Variants in ARHGAP6 observed in about 807,000 individuals in gnomAD.
The protein encoded by ARHGAP6 is rho GTPase-activating protein 6.
In ARHGAP6, 16 loss-of-function variants were observed where a neutral mutation model predicts 55.7. The observed-to-expected ratio is 0.29, with a 90% CI of 0.19 to 0.44. The LOEUF (loss-of-function observed/expected upper bound fraction) is 0.44, where lower values mean the gene tolerates loss of function less well. ARHGAP6 is among the 20% of genes least tolerant of loss of function. ARHGAP6 has a pLI of 1.00. For synonymous variants in ARHGAP6, 382 were observed against 360.9 expected (o/e 1.06, Z -0.66); for missense variants, 698 against 808.9 (o/e 0.86, Z 1.66).
At position 11,154,512 on chromosome X, in the gene ARHGAP6, T is replaced by C. The variant is rs921326378; in HGVS notation, c.1907+2017A>G. On this transcript the variant is annotated intron_variant, in intron 10 of 12. Transcript: ENST00000337414. ...CTTCTATCAACTGTTCTTTAAAGTA[T>C]AGTATTTATCTATCTCATAATGCCA... 6.2e-5 allele frequency among the ~76,000 whole-genome samples: 7 copies of C among 112,519 alleles called. 1 individual carries two copies.
intron 9 of ARHGAP6, among the ~76,000 whole-genome samples, chrX:11,160,970 G>A (rs1396075740): frequency 8.9e-6 from 1 of 112,541 alleles, no homozygotes; most frequent in Non-Finnish European, 1.9e-5. Flanking sequence ...AACTACAGTT[G>A]TATATAATTC....
At position 11,195,987 on chromosome X, in the gene ARHGAP6, A is replaced by G. The variant is rs113241218; in HGVS notation, c.820+938T>C. ...AAAAAAAAAAAAAAAAAAAAAAAAA[A>G]GCCGGTTGTGGTGGTGGGCGCCTGT... On this transcript the variant is annotated intron_variant, in intron 3 of 12. Coordinates refer to ENST00000337414, the MANE Select transcript of ARHGAP6 (RefSeq NM_013427.3). Among the ~76,000 whole-genome samples, 446 of 95,471 alleles carry G rather than the reference A, an allele frequency of 4.7e-3. 4 individuals carry two copies. Among genetic ancestry groups the G allele is most frequent in the Middle Eastern group, 0.021 (4 of 190 alleles). 82.9% of individuals were successfully genotyped at this position (95,471 alleles called of 115,157 possible).
At chrX:11,260,956 C>A (rs1326610946) in intron 1 of ARHGAP6, among the ~76,000 whole-genome samples, 1 of 110,839 alleles carries the variant, frequency 9.0e-6, no homozygotes, top group African/African-American at 3.3e-5. Flanking sequence ...TTCAGGAGGG[C>A]AAGACCCTTG....
At chrX:11,599,218 G>C (rs1454543555) in intron 1 of ARHGAP6, among the ~76,000 whole-genome samples, 3 of 111,803 alleles carry the variant, frequency 2.7e-5, no homozygotes, top group Non-Finnish European at 5.6e-5. Flanking sequence ...AGGAACATGG[G>C]AGTGCAGGTA....
At chrX:11,177,373 G>T (rs182865977) in intron 8 of ARHGAP6, among the ~76,000 whole-genome samples, 6 of 103,307 alleles carry the variant, frequency 5.8e-5, no homozygotes, top group Non-Finnish European at 9.9e-5. Context: ...TGGTGGGCGG[G>T]GGGGGGGCAC....
chrX:11,589,231 G>A (rs1331741650), intron 1 of ARHGAP6, among the ~76,000 whole-genome samples: 3 of 106,771 alleles, frequency 2.8e-5, no homozygotes, highest in Non-Finnish European at 3.9e-5. Context: ...TAGTGGAGAC[G>A]GGGTTTCACC....
At chrX:11,602,087 A>C (rs916390013) in intron 1 of ARHGAP6, among the ~76,000 whole-genome samples, 2 of 111,716 alleles carry the variant, frequency 1.8e-5, no homozygotes, top group Non-Finnish European at 3.8e-5. Context: ...TATTTATATC[A>C]TAACTGTGGA....
chrX:11,422,314 A>G (rs1279313925), intron 1 of ARHGAP6, among the ~76,000 whole-genome samples: 3 of 111,278 alleles, frequency 2.7e-5, no homozygotes, highest in Admixed American at 9.5e-5. Flanking sequence ...CAGCAAGTAC[A>G]AAGGCTTGGG....
At chrX:11,646,007 G>A (rs1380638914) in intron 1 of ARHGAP6, among the ~76,000 whole-genome samples, 1 of 94,004 alleles carries the variant, frequency 1.1e-5, no homozygotes, top group Non-Finnish European at 2.2e-5. Flanking sequence ...TCACATTGCT[G>A]TGAGGTTTGA....
At chrX:11,216,155 A>G (rs1296570229) in intron 2 of ARHGAP6, among the ~76,000 whole-genome samples, 2 of 107,472 alleles carry the variant, frequency 1.9e-5, no homozygotes, top group African/African-American at 6.8e-5. Flanking sequence ...GTCCACAAAT[A>G]GTACATTTCT....
chrX:11,325,004 G>A (rs1381433329), intron 1 of ARHGAP6, among the ~76,000 whole-genome samples: 3 of 110,704 alleles, frequency 2.7e-5, no homozygotes, highest in Admixed American at 9.6e-5. Context: ...GACTACAGGC[G>A]CCCGCCACCG....
chrX:11,468,179 T>C (rs1210986461), intron 1 of ARHGAP6, among the ~76,000 whole-genome samples: 1 of 111,365 alleles, frequency 9.0e-6, no homozygotes, highest in Non-Finnish European at 1.9e-5. Flanking sequence ...GCTAGTTATA[T>C]GACTGTTATT....
intron 1 of ARHGAP6, among the ~76,000 whole-genome samples, chrX:11,449,237 G>T (rs750932112): frequency 1.7e-3 from 187 of 111,470 alleles, no homozygotes; most frequent in Non-Finnish European, 3.1e-3. Context: ...TTATTCATTG[G>T]TCTCCCTGGC....
rs940636214 is a variant in ARHGAP6 at position 11,457,050 on chromosome X, C to A, written c.589-202343G>T. Among the ~76,000 whole-genome samples, 4 of 111,537 alleles carry A rather than the reference C, an allele frequency of 3.6e-5. No homozygotes were observed. In the Admixed American group the frequency reaches 3.8e-4, roughly 11 times the overall value. ...CTGCTATCAATAGAGCGAAGCATAG[C>A]ATTTGGTAGTCACAGCTGGAACCCT... is the stretch of plus-strand genomic sequence containing the variant. On this transcript the variant is annotated intron_variant, in intron 1 of 12. Coordinates refer to ENST00000337414, the MANE Select transcript of ARHGAP6 (RefSeq NM_013427.3).
At chrX:11,306,885 T>C (rs1346917917) in intron 1 of ARHGAP6, among the ~76,000 whole-genome samples, 1 of 111,772 alleles carries the variant, frequency 8.9e-6, no homozygotes, top group African/African-American at 3.3e-5. Context: ...TGTAGTTGCA[T>C]GAGGGAGTTG....
At position 11,409,186 on chromosome X, in the gene ARHGAP6, T is replaced by C. The variant is rs138581218; in HGVS notation, c.589-154479A>G. On this transcript the variant is annotated intron_variant, in intron 1 of 12. Transcript: ENST00000337414. The stretch of plus-strand genomic sequence containing the variant: ...TGCACAAACTATTCCTTCTTTTCTA[T>C]AGTGTTTTCCGTATGTTAATCCACC... 2.2e-4 allele frequency among the ~76,000 whole-genome samples: 25 copies of C among 112,254 alleles called. No homozygotes were observed. The East Asian group carries it at 7.0e-3, about 31-fold the overall frequency.
chrX:11,566,940 A>G (rs2051448517), intron 1 of ARHGAP6, among the ~76,000 whole-genome samples: 1 of 112,156 alleles, frequency 8.9e-6, no homozygotes, highest in Admixed American at 9.5e-5. Context: ...ACATTTGCGG[A>G]ACTTGTGGGA....
intron 1 of ARHGAP6, among the ~76,000 whole-genome samples, chrX:11,352,321 GATA>G (rs2048872785): frequency 8.9e-6 from 1 of 112,004 alleles, no homozygotes; most frequent in Non-Finnish European, 1.9e-5. Context: ...GGAGATGAAA[GATA>G]TTCACTGCCT....
rs751855708 is a variant in ARHGAP6 at position 11,188,870 on chromosome X, A to G, written c.935T>C (p.Val312Ala). The G allele has an allele frequency of 8.3e-7, 1 of 1,211,710 alleles. No homozygotes were observed. Among genetic ancestry groups the G allele is most frequent in the Non-Finnish European group, 1.1e-6 (1 of 895,543 alleles). The change falls in exon 4 of 13, where the codon GTG (valine) becomes GCG (alanine). Residue 312 changes from valine (V) to alanine (A), a missense_variant. Physicochemically the swap from Val to Ala is moderately conservative, Grantham distance 64 (BLOSUM62 0). Around this residue, in one of 3 missense-constraint regions of ARHGAP6, gnomAD observed 322 missense variants for 451.1 expected, o/e 0.71. Coordinates refer to ENST00000337414, the MANE Select transcript of ARHGAP6 (RefSeq NM_013427.3). ...ATTTCCAAATGGGAGGAGGGAAGCCACAAAGTCAGATGCATCTTTCTGCTC... is the reference window on the plus strand; with the variant it reads ...ATTTCCAAATGGGAGGAGGGAAGCCGCAAAGTCAGATGCATCTTTCTGCTC... Reference protein sequence around the residue: ...RDEQKDASDFVASLLPFGNKR... With the variant: ...RDEQKDASDFAASLLPFGNKR...
Sources: allele counts gnomAD v4.1 joint callset (sites outside exome capture counted in the v4.1 genomes callset), GRCh38; gene constraint gnomAD v4.1.1; regional missense constraint gnomAD v4.1.1; transcripts MANE v1.5; gene names NCBI Gene and HGNC (gene_info 2026-07-23, HGNC 2026-07-21).